KLF12: variants seen among roughly 807,000 people sequenced by gnomAD.
KLF12 encodes KLF transcription factor 12.
Under a neutral mutation model 37.8 loss-of-function variants are expected in KLF12, and 9 were observed. That is an observed-to-expected ratio of 0.24 (90% CI 0.14 to 0.42). KLF12 has a LOEUF of 0.42. Ranked by LOEUF, KLF12 falls within the 10% of genes least tolerant of loss-of-function variation. KLF12 has a pLI of 1.00. For synonymous variants in KLF12, 208 were observed against 202.1 expected, an observed-to-expected ratio of 1.03 and a Z score of -0.25; for missense variants, 411 against 516.0, an observed-to-expected ratio of 0.80 and a Z score of 1.97.
intron 5 of KLF12, among the ~76,000 whole-genome samples, chr13:73,773,037 G>T (rs1365336255): frequency 6.6e-6 from 1 of 152,160 alleles, no homozygotes; most frequent in African/African-American, 2.4e-5. Flanking sequence ...AGCCAGTATA[G>T]GGAATAAAGG....
At chr13:74,166,485 A>G in the KLF12 span, among the ~76,000 whole-genome samples, 1,663 of 152,240 alleles carry the variant, frequency 0.011, 36 homozygotes, top group African/African-American at 0.038. Context: ...GCTTCCAGTA[A>G]AATCATGTGT....
chr13:73,983,351 A>T (rs1317248664), intron 2 of KLF12, among the ~76,000 whole-genome samples: 1 of 152,162 alleles, frequency 6.6e-6, no homozygotes, highest in East Asian at 1.9e-4. Context: ...CAACTTAGTG[A>T]TGTCAGCACG....
chr13:73,873,611 G>A (rs1231606601), intron 3 of KLF12, among the ~76,000 whole-genome samples: 1 of 151,986 alleles, frequency 6.6e-6, no homozygotes. Flanking sequence ...GGTTTTTGTG[G>A]ATTTTTTCTG....
At chr13:73,867,004 G>T (rs181845594) in intron 3 of KLF12, among the ~76,000 whole-genome samples, 4 of 152,148 alleles carry the variant, frequency 2.6e-5, no homozygotes, top group African/African-American at 7.2e-5. Flanking sequence ...TAATTTATAG[G>T]ATAAACCACT....
At chr13:73,802,994 T>C (rs528388966) in intron 5 of KLF12, among the ~76,000 whole-genome samples, 1 of 152,318 alleles carries the variant, frequency 6.6e-6, no homozygotes, top group Non-Finnish European at 1.5e-5. Context: ...TGTATATAAC[T>C]AGATTTCAAG....
chr13:74,265,334 G>A, the KLF12 span, among the ~76,000 whole-genome samples: 1 of 152,122 alleles, frequency 6.6e-6, no homozygotes, highest in African/African-American at 2.4e-5. Context: ...GAGACACATA[G>A]ATATTTAACA....
the KLF12 span, among the ~76,000 whole-genome samples, chr13:74,268,037 G>A: frequency 6.6e-6 from 1 of 152,094 alleles, no homozygotes; most frequent in Admixed American, 6.6e-5. Flanking sequence ...GAGGAACAAG[G>A]TCCTACTGAT....
chr13:74,068,611 C>T (rs1480168028), intron 1 of KLF12, among the ~76,000 whole-genome samples: 1 of 147,664 alleles, frequency 6.8e-6, no homozygotes, highest in Non-Finnish European at 1.5e-5. Flanking sequence ...GGCTGGGGTG[C>T]AGTGGTGCAA....
At chr13:74,000,904 C>T (rs1208616311) in intron 1 of KLF12, among the ~76,000 whole-genome samples, 2 of 152,178 alleles carry the variant, frequency 1.3e-5, no homozygotes, top group African/African-American at 4.8e-5. Context: ...ATGCTATGCT[C>T]AGATTCAAAT....
At chr13:73,789,620 T>C (rs1881544441) in intron 5 of KLF12, among the ~76,000 whole-genome samples, 1 of 152,028 alleles carries the variant, frequency 6.6e-6, no homozygotes, top group Non-Finnish European at 1.5e-5. Flanking sequence ...GAAATAAAAG[T>C]TTCCCAGTTA....
chr13:74,189,726 AT>A, the KLF12 span, among the ~76,000 whole-genome samples: 1 of 152,106 alleles, frequency 6.6e-6, no homozygotes, highest in South Asian at 2.1e-4. Flanking sequence ...ACATATACAT[AT>A]TTATTTTATC....
At chr13:74,293,143 A>G in the KLF12 span, among the ~76,000 whole-genome samples, 2 of 152,150 alleles carry the variant, frequency 1.3e-5, no homozygotes, top group Admixed American at 6.5e-5. Flanking sequence ...TACCCATCAC[A>G]TTATACGAAT....
At chr13:74,039,385 T>C (rs984539125) in intron 1 of KLF12, among the ~76,000 whole-genome samples, 12 of 150,054 alleles carry the variant, frequency 8.0e-5, no homozygotes, top group African/African-American at 1.5e-4. Flanking sequence ...AAAGAAAAAA[T>C]AGCCAGGCAA....
chr13:74,139,160 G>A, the KLF12 span, among the ~76,000 whole-genome samples: 2 of 152,062 alleles, frequency 1.3e-5, no homozygotes, highest in African/African-American at 2.4e-5. Flanking sequence ...GCTTACCTGC[G>A]CCAATGGGAG....
the KLF12 span, among the ~76,000 whole-genome samples, chr13:74,164,520 T>C: frequency 6.6e-6 from 1 of 152,248 alleles, no homozygotes; most frequent in African/African-American, 2.4e-5. Flanking sequence ...AAATTATTTT[T>C]AAAATGTTAG....
the KLF12 span, among the ~76,000 whole-genome samples, chr13:74,263,301 G>A: frequency 1.3e-5 from 2 of 152,144 alleles, no homozygotes; most frequent in African/African-American, 2.4e-5. Context: ...CAGAAATTAA[G>A]GGAAATTGAA....
chr13:74,148,901 G>A, the KLF12 span, among the ~76,000 whole-genome samples: 74 of 152,198 alleles, frequency 4.9e-4, 1 homozygote, highest in Middle Eastern at 3.4e-3. Flanking sequence ...TGCAGCCTCC[G>A]CCTCCCGGGT....
chr13:74,200,922 A>C, the KLF12 span, among the ~76,000 whole-genome samples: 8 of 152,106 alleles, frequency 5.3e-5, no homozygotes, highest in Non-Finnish European at 8.8e-5. Flanking sequence ...AGCCCAACAC[A>C]CAGATGATTT....
intron 1 of KLF12, among the ~76,000 whole-genome samples, chr13:74,092,453 G>A (rs917918501): frequency 4.8e-5 from 6 of 125,126 alleles, no homozygotes; most frequent in African/African-American, 1.2e-4. Context: ...GTGAAACCCC[G>A]TCTCTACTAA....
Sources: allele counts gnomAD v4.1 joint callset (sites outside exome capture counted in the v4.1 genomes callset), GRCh38; gene constraint gnomAD v4.1.1; transcripts MANE v1.5; gene names NCBI Gene and HGNC (gene_info 2026-07-23, HGNC 2026-07-21).